Variants in LRFN5 observed in about 807,000 individuals in gnomAD.
LRFN5 encodes leucine rich repeat and fibronectin type III domain containing 5, also known as leucine-rich repeat and fibronectin type-III domain-containing protein 5.
LRFN5 carries 24 observed loss-of-function variants against 45.6 expected under a neutral mutation model. The ratio of observed to expected loss-of-function variants is 0.53; its 90% CI spans 0.38 to 0.74. The LOEUF (loss-of-function observed/expected upper bound fraction) is 0.74, where lower values mean the gene tolerates loss of function less well. Ranked by LOEUF, LRFN5 falls within the 30% of genes least tolerant of loss-of-function variation. The pLI is 0.00. For synonymous variants in LRFN5, 340 were observed against 313.8 expected (o/e 1.08, Z -0.88); for missense variants, 776 against 861.5 (o/e 0.90, Z 1.24).
At chr14:41,794,251 T>C (rs2138952322) in intron 2 of LRFN5, among the ~76,000 whole-genome samples, 1 of 152,190 alleles carries the variant, frequency 6.6e-6, no homozygotes, top group Non-Finnish European at 1.5e-5. Context: ...TGTATATGCT[T>C]TGTAATAATA....
chr14:41,756,940 G>C (rs1000469044), intron 1 of LRFN5, among the ~76,000 whole-genome samples: 2 of 152,108 alleles, frequency 1.3e-5, no homozygotes, highest in African/African-American at 4.8e-5. Flanking sequence ...GTTTTGGTGT[G>C]GGTGTCCTTT....
intron 2 of LRFN5, among the ~76,000 whole-genome samples, chr14:41,779,530 A>C (rs1245384279): frequency 3.3e-5 from 5 of 151,976 alleles, no homozygotes; most frequent in Non-Finnish European, 1.5e-5. Flanking sequence ...TGTTTCTGTT[A>C]GAATTTGTAG....
rs183101900 is a variant in LRFN5, at chr14:41,819,157, C to A, written c.-21+52128C>A. On this transcript the variant is annotated intron_variant, in intron 2 of 5. Transcript: ENST00000298119. ...ATCCATTGGTGGACACTTAGTTTGA[C>A]TTTGCTATAGTAAATAGTGCTGTGA... 3.9e-4 allele frequency among the ~76,000 whole-genome samples: 59 copies of A among 152,210 alleles called. No homozygotes were observed. The East Asian group carries it at 0.011, about 28-fold the overall frequency.
chr14:41,736,038 C>G (rs1884416425), intron 1 of LRFN5, among the ~76,000 whole-genome samples: 3 of 151,994 alleles, frequency 2.0e-5, no homozygotes, highest in Admixed American at 6.6e-5. Context: ...CAAGTCTTTG[C>G]TATTGTGAAT....
At chr14:41,848,660 G>T (rs980427256) in intron 2 of LRFN5, among the ~76,000 whole-genome samples, 1 of 151,982 alleles carries the variant, frequency 6.6e-6, no homozygotes, top group Non-Finnish European at 1.5e-5. Flanking sequence ...TTAGAGCCTG[G>T]TTTTTCTGTA....
chr14:41,886,807 A>C lies in LRFN5; in HGVS notation c.182A>C (p.Asn61Thr), dbSNP rs1427460835. 6.2e-7 allele frequency: 1 copy of C among 1,613,958 alleles called. No homozygotes were observed. The highest frequency in any genetic ancestry group is 1.3e-5 in the African/African-American group (1 of 74,922). The change falls in exon 3 of 6, where the codon AAT (asparagine) becomes ACT (threonine). Residue 61 changes from asparagine (N) to threonine (T), a missense_variant. Physicochemically the swap from Asn to Thr is moderately conservative, Grantham distance 65. This residue lies in a region of LRFN5 where 311 missense variants were observed against 405.1 expected (regional missense o/e 0.77). Transcript: ENST00000298119. The part of the protein sequence containing the change: ...RRTVELRLAD[N>T]FVTNIKRKDF... ...ACTGTGGAACTGCGGTTGGCAGACA[A>C]TTTTGTTACAAATATTAAAAGGAAA...
intron 2 of LRFN5, among the ~76,000 whole-genome samples, chr14:41,876,285 T>C (rs1890183419): frequency 1.5e-5 from 2 of 134,140 alleles, no homozygotes; most frequent in East Asian, 2.0e-4. Flanking sequence ...TTCTTTTTTT[T>C]TTTTTTTTTT....
chr14:41,799,207 C>G (rs905854653), intron 2 of LRFN5, among the ~76,000 whole-genome samples: 1 of 151,972 alleles, frequency 6.6e-6, no homozygotes, highest in Non-Finnish European at 1.5e-5. Context: ...GATCACTAAA[C>G]GTCAGAATAT....
intron 2 of LRFN5, among the ~76,000 whole-genome samples, chr14:41,801,358 C>A (rs765469647): frequency 1.3e-5 from 2 of 152,120 alleles, no homozygotes; most frequent in Admixed American, 1.3e-4. Flanking sequence ...TAAAATCTTG[C>A]ATATTTTAAA....
intron 2 of LRFN5, among the ~76,000 whole-genome samples, chr14:41,807,078 C>T (rs984977706): frequency 2.6e-5 from 4 of 151,974 alleles, no homozygotes; most frequent in African/African-American, 7.3e-5. Flanking sequence ...TACCATCTAA[C>T]GAGTCAAAAA....
chr14:41,626,296 A>G (rs1279181392), intron 1 of LRFN5, among the ~76,000 whole-genome samples: 1 of 152,150 alleles, frequency 6.6e-6, no homozygotes, highest in Admixed American at 6.6e-5. Flanking sequence ...GTATGTGCCA[A>G]CTAAGATGTC....
At chr14:41,851,348 A>G (rs894014628) in intron 2 of LRFN5, among the ~76,000 whole-genome samples, 1 of 151,058 alleles carries the variant, frequency 6.6e-6, no homozygotes, top group Non-Finnish European at 1.5e-5. Flanking sequence ...AGCATTTTGA[A>G]TATTATTATT....
rs1222630104 is a variant in LRFN5, at chr14:41,746,301, A to G, written c.-196-20553A>G. On this transcript the variant is annotated intron_variant, in intron 1 of 5. Coordinates refer to ENST00000298119, the MANE Select transcript of LRFN5 (RefSeq NM_152447.5). ...AAGAAAAGATTTGACAAAATTCACT[A>G]TCTTTTCCTGATACAAAACACTCAA... 2.0e-5 allele frequency among the ~76,000 whole-genome samples: 3 copies of G among 152,126 alleles called. No individual in the cohort carries two copies. In the East Asian group the frequency reaches 5.8e-4, roughly 29 times the overall value.
intron 1 of LRFN5, among the ~76,000 whole-genome samples, chr14:41,742,138 A>G (rs953523696): frequency 4.6e-5 from 7 of 151,832 alleles, no homozygotes; most frequent in Non-Finnish European, 1.0e-4. Context: ...TAGATTCCAT[A>G]TGACCCCAAA....
intron 1 of LRFN5, among the ~76,000 whole-genome samples, chr14:41,647,034 T>G (rs1332215927): frequency 6.6e-6 from 1 of 152,212 alleles, no homozygotes; most frequent in Admixed American, 6.5e-5. Context: ...TTTGGAAGAC[T>G]GAATGTTTAT....
At chr14:41,635,137 A>G (rs1444579791) in intron 1 of LRFN5, among the ~76,000 whole-genome samples, 1 of 152,124 alleles carries the variant, frequency 6.6e-6, no homozygotes, top group Non-Finnish European at 1.5e-5. Flanking sequence ...GAACTTAGAG[A>G]AACATCATTT....
At chr14:41,899,856 A>T (rs969087159) in intron 5 of LRFN5, among the ~76,000 whole-genome samples, 1 of 152,140 alleles carries the variant, frequency 6.6e-6, no homozygotes, top group Admixed American at 6.6e-5. Context: ...TCCCATTCTT[A>T]TGTTGCAAAA....
chr14:41,735,468 C>T (rs1884384504), intron 1 of LRFN5, among the ~76,000 whole-genome samples: 1 of 151,836 alleles, frequency 6.6e-6, no homozygotes, highest in Admixed American at 6.6e-5. Flanking sequence ...GGATGGGTCT[C>T]CCTATGTTGC....
intron 1 of LRFN5, among the ~76,000 whole-genome samples, chr14:41,675,481 C>T (rs1365091613): frequency 6.6e-6 from 1 of 152,168 alleles, no homozygotes; most frequent in African/African-American, 2.4e-5. Flanking sequence ...CGCGCGCCTG[C>T]AATCGCAGGC....
Sources: allele counts gnomAD v4.1 joint callset (sites outside exome capture counted in the v4.1 genomes callset), GRCh38; gene constraint gnomAD v4.1.1; regional missense constraint gnomAD v4.1.1; transcripts MANE v1.5; gene names NCBI Gene and HGNC (gene_info 2026-07-23, HGNC 2026-07-21).